GSE1: variants seen among roughly 807,000 people sequenced by gnomAD.
GSE1 encodes genetic suppressor element 1.
GSE1 carries 32 observed loss-of-function variants against 112.6 expected under a neutral mutation model. That is an observed-to-expected ratio of 0.28 (90% confidence interval 0.21 to 0.38). The LOEUF is 0.38. GSE1 is among the 10% of genes least tolerant of loss of function. GSE1 has a pLI of 1.00. For missense variants in GSE1, 2,348 were observed against 1,699.2 expected, an observed-to-expected ratio of 1.38 and a Z score of -6.71; for synonymous variants, 1,115 against 735.6, an observed-to-expected ratio of 1.52 and a Z score of -8.35.
chr16:85,667,967 A>ACTGGGTCT (rs35034212), intron 13 of GSE1, among the ~76,000 whole-genome samples, 173 bp from the exon 14 acceptor site: 1 of 151,552 alleles, frequency 6.6e-6, no homozygotes, highest in Non-Finnish European at 1.5e-5. Flanking sequence ...GACTTTCTCA[A>ACTGGGTCT]GTGGCCCAGA....
chr16:85,397,525 T>C (rs2047995653), intron 2 of GSE1, among the ~76,000 whole-genome samples: 1 of 152,218 alleles, frequency 6.6e-6, no homozygotes, highest in Middle Eastern at 3.2e-3. Flanking sequence ...TCTGCCTCTG[T>C]CTGCCCCCCG....
intron 1 of GSE1, among the ~76,000 whole-genome samples, chr16:85,588,342 G>C (rs2046804877): frequency 2.0e-5 from 3 of 152,240 alleles, no homozygotes; most frequent in East Asian, 3.9e-4. Flanking sequence ...TGGCTGACTG[G>C]CCCCCCCTTC....
At chr16:85,581,154 C>T (rs888710926) in intron 1 of GSE1, among the ~76,000 whole-genome samples, 1 of 152,216 alleles carries the variant, frequency 6.6e-6, no homozygotes, top group African/African-American at 2.4e-5. Context: ...GGGCATCCCA[C>T]ATGGGCTCCT....
intron 2 of GSE1, among the ~76,000 whole-genome samples, chr16:85,417,507 C>G (rs531813552): frequency 6.6e-6 from 1 of 152,220 alleles, no homozygotes; most frequent in African/African-American, 2.4e-5. Context: ...TTTAGAAGGG[C>G]CGCCCAGGTG....
At chr16:85,604,591 T>G (rs1351769644) in intron 1 of GSE1, among the ~76,000 whole-genome samples, 1 of 149,060 alleles carries the variant, frequency 6.7e-6, no homozygotes, top group Non-Finnish European at 1.5e-5. Flanking sequence ...GTTTATCTCT[T>G]CCCCCCGTTG....
chr16:85,608,327 C>T (rs973998274), upstream of GSE1, among the ~76,000 whole-genome samples: 6 of 152,078 alleles, frequency 3.9e-5, no homozygotes, highest in African/African-American at 1.4e-4. Context: ...GTGGACTTAG[C>T]CCCCCGCCCC....
chr16:85,598,095 A>G (rs1338820480), intron 1 of GSE1, among the ~76,000 whole-genome samples: 1 of 150,678 alleles, frequency 6.6e-6, no homozygotes, highest in Admixed American at 6.6e-5. Flanking sequence ...GGTGTATCCC[A>G]TCTGCAAAAA....
chr16:85,176,743 G>T (rs2074474531), intron 1 of GSE1, among the ~76,000 whole-genome samples: 1 of 152,240 alleles, frequency 6.6e-6, no homozygotes, highest in African/African-American at 2.4e-5. Context: ...GCCCAGAACA[G>T]GTGTTGCTGC....
chr16:85,526,079 C>A (rs1349976383), intron 2 of GSE1, among the ~76,000 whole-genome samples: 2 of 152,160 alleles, frequency 1.3e-5, no homozygotes, highest in Admixed American at 6.5e-5. Flanking sequence ...GCAGACAGTC[C>A]CCACCTGGTA....
chr16:85,317,376 TC>T (rs1365602416), intron 1 of GSE1, among the ~76,000 whole-genome samples: 1 of 152,108 alleles, frequency 6.6e-6, no homozygotes, highest in Non-Finnish European at 1.5e-5. Flanking sequence ...ACACCACGCT[TC>T]CTACCTCCAG....
intron 2 of GSE1, among the ~76,000 whole-genome samples, chr16:85,450,217 G>A (rs1409885958): frequency 7.4e-6 from 1 of 134,936 alleles, no homozygotes; most frequent in South Asian, 2.4e-4. Flanking sequence ...CACCTCCCGG[G>A]TTCAAGCAGT....
intron 1 of GSE1, among the ~76,000 whole-genome samples, chr16:85,295,070 A>G (rs1287554776): frequency 6.6e-6 from 1 of 151,814 alleles, no homozygotes; most frequent in Non-Finnish European, 1.5e-5. Context: ...TAAAAGCACC[A>G]CCTCCTAATA....
chr16:85,246,495 TACACA>T (rs1349185854), intron 1 of GSE1, among the ~76,000 whole-genome samples: 2 of 34,574 alleles, frequency 5.8e-5, no homozygotes, highest in Non-Finnish European at 6.5e-5. Flanking sequence ...ACACACACTC[TACACA>T]CCCCCCCCCC....
intron 1 of GSE1, among the ~76,000 whole-genome samples, chr16:85,616,805 C>G (rs1263633045): frequency 3.9e-5 from 6 of 152,104 alleles, no homozygotes; most frequent in African/African-American, 1.2e-4. Context: ...AGGCCACAGC[C>G]TGGGAGGTGA....
At chr16:85,408,621 C>T (rs1181645230) in intron 2 of GSE1, among the ~76,000 whole-genome samples, 1 of 33,324 alleles carries the variant, frequency 3.0e-5, no homozygotes, top group Non-Finnish European at 6.2e-5. Context: ...CTCAGGCCCC[C>T]CTGGATAATC....
At chr16:85,353,458 G>GTTCCCATCAAAAGCA (rs1567707355) in intron 1 of GSE1, among the ~76,000 whole-genome samples, 1 of 152,178 alleles carries the variant, frequency 6.6e-6, no homozygotes, top group South Asian at 2.1e-4. Context: ...ATCATTTTAC[G>GTTCCCATCAAAAGCA]TTCCCATCAA....
At chr16:85,574,209 A>C (rs2046126911) in intron 1 of GSE1, among the ~76,000 whole-genome samples, 1 of 152,196 alleles carries the variant, frequency 6.6e-6, no homozygotes, top group African/African-American at 2.4e-5. Flanking sequence ...CGGCCGTGGA[A>C]GTTGTAAACT....
chr16:85,241,337 C>T (rs990067237), intron 1 of GSE1, among the ~76,000 whole-genome samples: 5 of 152,228 alleles, frequency 3.3e-5, no homozygotes, highest in Non-Finnish European at 7.3e-5. Flanking sequence ...TGGCAGTTGC[C>T]CCCTGAGGGT....
chr16:85,596,862 C>T (rs892744280), intron 1 of GSE1, among the ~76,000 whole-genome samples: 1 of 152,164 alleles, frequency 6.6e-6, no homozygotes, highest in South Asian at 2.1e-4. Flanking sequence ...GTGGCAAAAC[C>T]CTGTCTCTAC....
Sources: gnomAD v4.1 joint callset for allele counts (sites outside exome capture counted in the v4.1 genomes callset) on GRCh38, gnomAD v4.1.1 for gene constraint, MANE v1.5 for transcripts, NCBI Gene and HGNC (gene_info 2026-07-23, HGNC 2026-07-21) for gene names.